SLCO1B1: variants seen among roughly 807,000 people sequenced by gnomAD.
The protein encoded by SLCO1B1 is solute carrier organic anion transporter family member 1B1.
SLCO1B1 carries 81 observed loss-of-function variants against 70.1 expected under a neutral mutation model. That is an observed-to-expected ratio of 1.16 (90% CI 0.97 to 1.39). SLCO1B1 has a LOEUF of 1.39. Among genes scored for constraint, SLCO1B1 ranks in the 40% most tolerant of loss-of-function variants. The pLI is 0.00. For missense variants in SLCO1B1, 895 were observed against 799.6 expected (o/e 1.12, Z -1.44); for synonymous variants, 283 against 271.5 (o/e 1.04, Z -0.42).
intron 10 of SLCO1B1, among the ~76,000 whole-genome samples, chr12:21,204,889 C>A (rs1941197370): frequency 6.6e-6 from 1 of 151,772 alleles, no homozygotes; most frequent in South Asian, 2.1e-4. Context: ...GACCTTATCA[C>A]TTTCTAGAGG....
chr12:21,226,625 T>C (rs372358666), intron 14 of SLCO1B1, among the ~76,000 whole-genome samples: 16 of 152,106 alleles, frequency 1.1e-4, no homozygotes, highest in African/African-American at 3.9e-4. Context: ...ATTATCATGT[T>C]GGATACATGA....
chr12:21,145,527 C>A (rs1238369687), intron 2 of SLCO1B1, among the ~76,000 whole-genome samples: 1 of 116,092 alleles, frequency 8.6e-6, no homozygotes, highest in African/African-American at 3.1e-5. Flanking sequence ...ACCTTGTTGC[C>A]AGGCTGGTCT....
chr12:21,195,611 G>A (rs1941082368), intron 7 of SLCO1B1, among the ~76,000 whole-genome samples: 1 of 152,078 alleles, frequency 6.6e-6, no homozygotes, highest in African/African-American at 2.4e-5. Flanking sequence ...GCTGGAGTTG[G>A]ACACAGAAAA....
At chr12:21,139,526 A>G (rs528259675) in intron 1 of SLCO1B1, among the ~76,000 whole-genome samples, 2 of 152,078 alleles carry the variant, frequency 1.3e-5, no homozygotes, top group Non-Finnish European at 2.9e-5. Flanking sequence ...TATCCCTTAA[A>G]TATGTATTAT....
intron 1 of SLCO1B1, among the ~76,000 whole-genome samples, chr12:21,133,348 G>GT (rs1014716212): frequency 6.6e-6 from 1 of 152,246 alleles, no homozygotes; most frequent in South Asian, 2.1e-4. Flanking sequence ...CTTTAAAGTA[G>GT]TTTTTTCCAA....
chr12:21,208,829 A>G (rs1941244283), intron 11 of SLCO1B1, among the ~76,000 whole-genome samples: 1 of 152,004 alleles, frequency 6.6e-6, no homozygotes, highest in Non-Finnish European at 1.5e-5. Context: ...ATCCTAGTAG[A>G]GATCTTTCAC....
At chr12:21,162,455 C>T (rs1320582185) in intron 2 of SLCO1B1, among the ~76,000 whole-genome samples, 1 of 152,024 alleles carries the variant, frequency 6.6e-6, no homozygotes, top group Admixed American at 6.6e-5. Context: ...CCACATGATA[C>T]ATTTGTTGTA....
Position 21,214,862 on chromosome 12 carries a change from A to G in SLCO1B1, c.1498-2257A>G, listed in dbSNP as rs543604376. Among the ~76,000 whole-genome samples the G allele has an allele frequency of 1.3e-3, 196 of 152,060 alleles. 1 individual carries two copies. Among genetic ancestry groups the G allele is most frequent in the African/African-American group, 4.6e-3 (189 of 41,420 alleles). ...CCGTCACCCCTTTCTTTGACTGGGA[A>G]AGGGAACTCCCTGACCCCTTGCGCT... is the stretch of plus-strand genomic sequence containing the variant. On this transcript the variant is annotated intron_variant, in intron 11 of 14. Transcript: ENST00000256958.
chr12:21,132,681 TC>T (rs2121017528), intron 1 of SLCO1B1, among the ~76,000 whole-genome samples: 1 of 152,250 alleles, frequency 6.6e-6, no homozygotes, highest in African/African-American at 2.4e-5. Context: ...CTTGATGGGG[TC>T]GTTTGTCTTT....
At chr12:21,184,482 A>T (rs1055983135) in intron 7 of SLCO1B1, among the ~76,000 whole-genome samples, 5 of 152,180 alleles carry the variant, frequency 3.3e-5, no homozygotes, top group Non-Finnish European at 7.3e-5. Context: ...AAAGAAAAGA[A>T]ATTTCAACCA....
intron 1 of SLCO1B1, among the ~76,000 whole-genome samples, chr12:21,136,322 T>C (rs1479042904): frequency 6.6e-6 from 1 of 152,112 alleles, no homozygotes; most frequent in Admixed American, 6.5e-5. Context: ...GAGTTGCTCT[T>C]CTCGAGGAGT....
chr12:21,178,463 A>G, intron 5 of SLCO1B1, 113 bp from the exon 6 acceptor site: 1 of 753,338 alleles, frequency 1.3e-6, no homozygotes, highest in Non-Finnish European at 2.2e-6. Context: ...AATTACTTGT[A>G]CTTGTAAATT....
intron 14 of SLCO1B1, among the ~76,000 whole-genome samples, chr12:21,227,263 G>A (rs1941491404): frequency 6.6e-6 from 1 of 150,714 alleles, no homozygotes; most frequent in Admixed American, 6.6e-5. Context: ...CTGATGTCTT[G>A]AAAAAAGAAG....
In SLCO1B1 at chr12:21,162,432, G is replaced by A. The variant is rs867827920; in HGVS notation, c.85-10218G>A. 3.3e-5 allele frequency among the ~76,000 whole-genome samples: 5 copies of A among 152,078 alleles called. No individual in the cohort carries two copies. The South Asian group carries it at 6.2e-4, about 19-fold the overall frequency. On this transcript the variant is annotated intron_variant, in intron 2 of 14. Transcript: ENST00000256958. ...TATTTTTATCACGTATTTTGCTCTA[G>A]AAAATTTCCATTCCACATGATACAT...
chr12:21,148,444 A>ATATATATATAAT (rs1378554598), intron 2 of SLCO1B1, among the ~76,000 whole-genome samples: 4 of 152,166 alleles, frequency 2.6e-5, no homozygotes, highest in South Asian at 4.1e-4. Context: ...CAGTTTTCCC[A>ATATATATATAAT]ACATCATATA....
intron 14 of SLCO1B1, among the ~76,000 whole-genome samples, chr12:21,234,943 T>G (rs1276768874): frequency 6.6e-6 from 1 of 152,166 alleles, no homozygotes; most frequent in East Asian, 1.9e-4. Context: ...AAATTTATTG[T>G]GACTTATGAC....
At chr12:21,178,454 AT>A (rs1940847767) in intron 5 of SLCO1B1, 121 bp from the exon 6 acceptor site, 80 of 674,538 alleles carry the variant, frequency 1.2e-4, no homozygotes, top group Non-Finnish European at 1.9e-4. Flanking sequence ...GTGAATATAA[AT>A]TACTTGTACT....
intron 2 of SLCO1B1, among the ~76,000 whole-genome samples, chr12:21,142,801 CAT>C (rs1167946418): frequency 1.3e-5 from 2 of 152,038 alleles, no homozygotes; most frequent in Non-Finnish European, 2.9e-5. Flanking sequence ...ATTTCACTGA[CAT>C]GTGCATAGCA....
Position 21,179,029 on chromosome 12 carries a change from A to G in SLCO1B1, c.727+9A>G, listed in dbSNP as rs111279867. 15 of 1,527,910 alleles carry G rather than the reference A, an allele frequency of 9.8e-6. 1 individual carries two copies. In the African/African-American group the frequency reaches 1.2e-4, roughly 13 times the overall value. The allele number at this position is 1,527,910 out of a possible 1,614,324, so 94.6% of individuals were successfully genotyped here. A position where few individuals can be genotyped will look rare whatever the true frequency, so the allele number is the denominator to read the frequency against. On this transcript the variant is annotated intron_variant, in intron 7 of 14. Transcript: ENST00000256958. ...TGGATATGTAGATCTAAGTAAGTAC[A>G]ACCAGAACAAGGTACCATGATAACG...
Sources: gnomAD v4.1 joint callset for allele counts (sites outside exome capture counted in the v4.1 genomes callset) on GRCh38, gnomAD v4.1.1 for gene constraint, MANE v1.5 for transcripts, NCBI Gene and HGNC (gene_info 2026-07-23, HGNC 2026-07-21) for gene names.